Variants in PLB1 observed in about 807,000 individuals in gnomAD.
PLB1 encodes phospholipase B1, also known as phospholipase B1, membrane-associated.
In PLB1, 242 loss-of-function variants were observed where a neutral mutation model predicts 227.4. The observed-to-expected ratio is 1.06, with a 90% CI of 0.96 to 1.18. The LOEUF is 1.18. PLB1 is among the 50% of genes most tolerant of loss of function. The pLI is 0.00. For synonymous variants in PLB1, 757 were observed against 682.2 expected (o/e 1.11, Z -1.71); for missense variants, 1,858 against 1,816.3 (o/e 1.02, Z -0.42).
intron 2 of PLB1, among the ~76,000 whole-genome samples, chr2:28,517,399 T>C (rs1401557921): frequency 6.6e-6 from 1 of 152,168 alleles, no homozygotes; most frequent in South Asian, 2.1e-4. Context: ...GAGCCTTCCA[T>C]GGTATTCACA....
intron 1 of PLB1, among the ~76,000 whole-genome samples, chr2:28,513,615 C>G (rs1339934329): frequency 6.6e-6 from 1 of 152,214 alleles, no homozygotes; most frequent in Non-Finnish European, 1.5e-5. Context: ...GTCCTGACTT[C>G]TCAAATTCTT....
chr2:28,522,988 G>T (rs1028230455), intron 4 of PLB1, among the ~76,000 whole-genome samples: 1 of 152,184 alleles, frequency 6.6e-6, no homozygotes, highest in Non-Finnish European at 1.5e-5. Flanking sequence ...TGCCTTGAGT[G>T]CCTGGAGCAT....
intron 11 of PLB1, 48 bp from the exon 12 acceptor site, chr2:28,540,318 G>T (rs767237766): frequency 1.3e-6 from 2 of 1,541,810 alleles, no homozygotes; most frequent in Non-Finnish European, 1.8e-6. Flanking sequence ...CCCCTTCCCT[G>T]CCCACACTGC....
chr2:28,601,498 C>G (rs896401872), intron 37 of PLB1, among the ~76,000 whole-genome samples, 166 bp downstream of exon 37: 1 of 151,836 alleles, frequency 6.6e-6, no homozygotes, highest in Non-Finnish European at 1.5e-5. Flanking sequence ...CACACACACA[C>G]ACTTCTTACC....
chr2:28,624,963 T>C, intron 49 of PLB1, 94 bp from the exon 50 acceptor site: 1 of 1,183,422 alleles, frequency 8.5e-7, no homozygotes, highest in Non-Finnish European at 1.3e-6. Flanking sequence ...ACATCATTCT[T>C]CTTGAAACAC....
At chr2:28,516,703 G>T in intron 1 of PLB1, 105 bp from the exon 2 acceptor site, 1 of 1,002,300 alleles carries the variant, frequency 1.0e-6, no homozygotes, top group South Asian at 1.4e-5. Context: ...GGACATTACT[G>T]AGCTGGGCAC....
rs184836390 is a variant in PLB1 at position 28,497,700 on chromosome 2, G to A, written c.55+1531G>A. ...TTCTGTTATCATATGTGGTCCCACC[G>A]TTGTCCATTTGTATATTCTCTATTT... is the stretch of plus-strand genomic sequence containing the variant. On this transcript the variant is annotated intron_variant, in intron 1 of 57. Transcript: ENST00000327757. Among the ~76,000 whole-genome samples, 41 of 152,004 alleles carry A rather than the reference G, an allele frequency of 2.7e-4. 1 individual carries two copies. The highest frequency in any genetic ancestry group is 9.7e-4 in the East Asian group (5 of 5,178).
intron 9 of PLB1, 155 bp from the exon 10 acceptor site, chr2:28,538,164 C>G (rs1461288277): frequency 6.9e-6 from 6 of 868,608 alleles, no homozygotes; most frequent in Non-Finnish European, 1.1e-5. Context: ...CTAGGAAGCT[C>G]TGGGAATTCT....
Position 28,606,450 on chromosome 2 carries a change from G to C in PLB1, c.3058-46G>C, listed in dbSNP as rs867746602. 3.2e-6 allele frequency: 5 copies of C among 1,573,178 alleles called. No individual in the cohort carries two copies. In the African/African-American group the frequency reaches 6.8e-5, roughly 21 times the overall value. ...TCTGCCAGGGAATGTTCACTTCCAT[G>C]GAAACAAACTACTACACCCGTGTCT... On this transcript the variant is annotated intron_variant, in intron 42 of 57. Coordinates refer to ENST00000327757, the MANE Select transcript of PLB1 (RefSeq NM_153021.5).
At chr2:28,579,869 C>T (rs1050266744) in intron 23 of PLB1, among the ~76,000 whole-genome samples, 162 bp downstream of exon 23, 1 of 152,156 alleles carries the variant, frequency 6.6e-6, no homozygotes, top group Non-Finnish European at 1.5e-5. Context: ...AAGGCATTCA[C>T]CTCCAGGGAA....
chr2:28,631,498 G>GT, intron 54 of PLB1, among the ~76,000 whole-genome samples: 1 of 152,330 alleles, frequency 6.6e-6, no homozygotes, highest in South Asian at 2.1e-4. Context: ...CCAGATGGAT[G>GT]ATAAACTCCT....
chr2:28,506,571 T>A (rs1449049354), intron 1 of PLB1, among the ~76,000 whole-genome samples: 1 of 152,184 alleles, frequency 6.6e-6, no homozygotes, highest in Non-Finnish European at 1.5e-5. Context: ...TGAATCCAAA[T>A]CTTTTATTTT....
chr2:28,533,770 A>T (rs559002607), intron 9 of PLB1, among the ~76,000 whole-genome samples: 27 of 152,332 alleles, frequency 1.8e-4, no homozygotes, highest in African/African-American at 6.3e-4. Flanking sequence ...CATATACTTC[A>T]TCTTGTGTTT....
chr2:28,529,338 AT>A lies in PLB1; in HGVS notation c.350del (p.Phe117SerfsTer33). On this transcript the variant is annotated frameshift_variant, in exon 7 of 58. Coordinates refer to ENST00000327757, the MANE Select transcript of PLB1 (RefSeq NM_153021.5). LOFTEE classifies it high-confidence loss of function. ...VMTVLSDIIR[Y>X]FSPSVPMPVC... is the part of the protein sequence containing the mutation. The stretch of plus-strand genomic sequence containing the variant: ...TTAGTCCTTTCAGACATCATCAGAT[AT>A]TTCAGTCCTTCTGTTCCAATGCCTG... The A allele has an allele frequency of 6.2e-7, 1 of 1,610,820 alleles. No homozygotes were observed. The highest frequency in any genetic ancestry group is 1.1e-5 in the South Asian group (1 of 91,004).
chr2:28,506,898 T>A (rs1667695935), intron 1 of PLB1, among the ~76,000 whole-genome samples: 1 of 152,144 alleles, frequency 6.6e-6, no homozygotes, highest in African/African-American at 2.4e-5. Flanking sequence ...CATTATTGCA[T>A]CTCTGAGAAT....
chr2:28,535,504 C>A (rs1180282685), intron 9 of PLB1, among the ~76,000 whole-genome samples: 2 of 152,260 alleles, frequency 1.3e-5, no homozygotes, highest in Admixed American at 1.3e-4. Context: ...GGCCACACCT[C>A]CCCGTTTAAG....
chr2:28,603,725 G>C (rs987825720), intron 39 of PLB1, among the ~76,000 whole-genome samples: 1 of 152,238 alleles, frequency 6.6e-6, no homozygotes, highest in Non-Finnish European at 1.5e-5. Flanking sequence ...CAACACTTGT[G>C]CTCTGTTGGT....
chr2:28,622,912 A>G (rs1390019441), intron 49 of PLB1, among the ~76,000 whole-genome samples: 1 of 152,244 alleles, frequency 6.6e-6, no homozygotes, highest in Non-Finnish European at 1.5e-5. Flanking sequence ...TTAAAAATAA[A>G]TAAAAGATAC....
In PLB1 at chr2:28,623,929, C is replaced by G. The variant is rs1464736520; in HGVS notation, c.3528-1128C>G. On this transcript the variant is annotated intron_variant, in intron 49 of 57. Transcript: ENST00000327757. Reference sequence around the variant, plus strand: ...TGAGCAACTTGGTGAAACCCTGTCTCTACCAAAAATACAAAAAATTAGCCG... The same window carrying G: ...TGAGCAACTTGGTGAAACCCTGTCTGTACCAAAAATACAAAAAATTAGCCG... Among the ~76,000 whole-genome samples the G allele has an allele frequency of 7.2e-5, 11 of 152,256 alleles. No homozygotes were observed. In the East Asian group the frequency reaches 1.9e-3, roughly 27 times the overall value.
Sources: gnomAD v4.1 joint callset for allele counts (sites outside exome capture counted in the v4.1 genomes callset) on GRCh38, gnomAD v4.1.1 for gene constraint, MANE v1.5 for transcripts, NCBI Gene and HGNC (gene_info 2026-07-23, HGNC 2026-07-21) for gene names.